PDE2A: variants seen among roughly 807,000 people sequenced by gnomAD.
The protein encoded by PDE2A is cGMP-dependent 3',5'-cyclic phosphodiesterase.
PDE2A carries 53 observed loss-of-function variants against 133.6 expected under a neutral mutation model. The ratio of observed to expected loss-of-function variants is 0.40; its 90% CI spans 0.32 to 0.50. PDE2A has a LOEUF of 0.50. Ranked by LOEUF, PDE2A falls within the 20% of genes least tolerant of loss-of-function variation. The probability of loss-of-function intolerance (pLI) is 0.73; values close to 1 mark genes in which losing one functional copy is unlikely to be tolerated. For missense variants in PDE2A, 796 were observed against 1,232.4 expected, an observed-to-expected ratio of 0.65 and a Z score of 5.30; for synonymous variants, 491 against 490.2, an observed-to-expected ratio of 1.00 and a Z score of -0.02.
intron 2 of PDE2A, among the ~76,000 whole-genome samples, chr11:72,611,463 T>C (rs1050664473): frequency 2.0e-5 from 3 of 152,160 alleles, no homozygotes; most frequent in Non-Finnish European, 4.4e-5. Flanking sequence ...TTTGCTTCAA[T>C]TGGGGAATGC....
chr11:72,619,817 T>C (rs1303900093), intron 2 of PDE2A, among the ~76,000 whole-genome samples: 1 of 152,150 alleles, frequency 6.6e-6, no homozygotes, highest in African/African-American at 2.4e-5. Context: ...CTGCCTGCCC[T>C]GCCACACACC....
At chr11:72,630,677 G>A (rs1591101810) in intron 2 of PDE2A, among the ~76,000 whole-genome samples, 2 of 151,998 alleles carry the variant, frequency 1.3e-5, no homozygotes, top group East Asian at 3.9e-4. Context: ...GATGATGGGG[G>A]AAACTGAAAG....
chr11:72,631,188 CT>C, intron 2 of PDE2A: 1 of 1,450,386 alleles, frequency 6.9e-7, no homozygotes, highest in Non-Finnish European at 9.3e-7. Context: ...GCCTTCTCCC[CT>C]TCTCCCCAGA....
At chr11:72,657,395 T>C (rs1475518558) in intron 1 of PDE2A, among the ~76,000 whole-genome samples, 1 of 151,982 alleles carries the variant, frequency 6.6e-6, no homozygotes, top group Non-Finnish European at 1.5e-5. Context: ...GAAACAACTG[T>C]CCCCAAGGTC....
rs148316208 is a variant in PDE2A at position 72,616,340 on chromosome 11, C to A, written c.145-7589G>T. Among the ~76,000 whole-genome samples, 38 of 152,344 alleles carry A rather than the reference C, an allele frequency of 2.5e-4. No individual in the cohort carries two copies. The East Asian group carries it at 7.1e-3, about 29-fold the overall frequency. On this transcript the variant is annotated intron_variant, in intron 2 of 30. Transcript: ENST00000334456. ...ACTGCCCCCCTTTCCCCCACCATGG[C>A]ATGCACTGTGTGCATCAATGCAGTG...
chr11:72,645,076 T>A (rs1326347511), intron 1 of PDE2A, among the ~76,000 whole-genome samples: 1 of 152,216 alleles, frequency 6.6e-6, no homozygotes, highest in Non-Finnish European at 1.5e-5. Flanking sequence ...TCTTCAGTCT[T>A]ACTTGAATCT....
At chr11:72,619,711 G>A (rs945920925) in intron 2 of PDE2A, among the ~76,000 whole-genome samples, 1 of 152,156 alleles carries the variant, frequency 6.6e-6, no homozygotes, top group Non-Finnish European at 1.5e-5. Context: ...GTGAGTGAAC[G>A]TGTGGCTGAG....
intron 1 of PDE2A, among the ~76,000 whole-genome samples, chr11:72,647,569 T>A (rs1859163430): frequency 1.3e-5 from 2 of 152,262 alleles, no homozygotes; most frequent in Non-Finnish European, 2.9e-5. Flanking sequence ...TTGCTCTCTC[T>A]GTGACCTGGG....
intron 14 of PDE2A, 107 bp from the exon 15 acceptor site, chr11:72,585,700 C>A: frequency 2.1e-6 from 2 of 935,150 alleles, no homozygotes; most frequent in African/African-American, 1.6e-5. Context: ...TTCCCTAGGG[C>A]TCACTGGACA....
chr11:72,638,082 C>T (rs894195820), intron 2 of PDE2A, among the ~76,000 whole-genome samples: 2 of 152,114 alleles, frequency 1.3e-5, no homozygotes, highest in East Asian at 1.9e-4. Flanking sequence ...GTTTACCCGC[C>T]GCAGGCAGCA....
rs143510966 is a variant in PDE2A, at chr11:72,643,939, G to A, written c.72-1613C>T. On this transcript the variant is annotated intron_variant, in intron 1 of 30. Transcript: ENST00000334456. ...ACAATAAAGCCCGAGCCCTGAGCCT[G>A]GCGGGCCAGACCCTCTACAGCTGAA... Among the ~76,000 whole-genome samples, 770 of 152,216 alleles carry A rather than the reference G, an allele frequency of 5.1e-3. 6 individuals are homozygous for A. The highest frequency in any genetic ancestry group is 0.017 in the African/African-American group (717 of 41,528).
intron 25 of PDE2A, 194 bp from the exon 26 acceptor site, chr11:72,579,802 T>C (rs917129840): frequency 1.7e-6 from 1 of 577,078 alleles, no homozygotes; most frequent in Non-Finnish European, 3.1e-6. Flanking sequence ...GGTGAGTCCC[T>C]AGACCACTCT....
At chr11:72,605,638 G>A (rs1437097834) in intron 3 of PDE2A, among the ~76,000 whole-genome samples, 3 of 152,188 alleles carry the variant, frequency 2.0e-5, no homozygotes, top group Non-Finnish European at 4.4e-5. Context: ...CCAGGGATGG[G>A]GCTCAGAATG....
At position 72,669,094 on chromosome 11, in the gene PDE2A, T is replaced by C. The variant is rs138106974; in HGVS notation, c.71+5043A>G. 8.2e-3 allele frequency: 3,193 copies of C among 389,992 alleles called. 14 individuals are homozygous for C. Among genetic ancestry groups the C allele is most frequent in the Non-Finnish European group, 9.6e-3 (2,715 of 283,652 alleles). 24.2% of individuals were successfully genotyped at this position (389,992 alleles called of 1,614,324 possible). Reference sequence around the variant, plus strand: ...TCATCCTGCCAAGAAAGGATAATTATCTCCACCCCACTATTCACACAAGGT... The same window carrying C: ...TCATCCTGCCAAGAAAGGATAATTACCTCCACCCCACTATTCACACAAGGT... On this transcript the variant is annotated intron_variant, in intron 1 of 30. Transcript: ENST00000334456.
At chr11:72,638,455 G>A (rs1478464615) in intron 2 of PDE2A, among the ~76,000 whole-genome samples, 1 of 152,190 alleles carries the variant, frequency 6.6e-6, no homozygotes, top group African/African-American at 2.4e-5. Flanking sequence ...CTCACATTCT[G>A]GTAGGAGCCA....
At chr11:72,579,507 T>TCCCCCCCCCCCCCCCCCC in intron 26 of PDE2A, 27 bp downstream of exon 26, 2 of 1,354,170 alleles carry the variant, frequency 1.5e-6, no homozygotes, top group Non-Finnish European at 2.1e-6. Flanking sequence ...TCCCCCTCAA[T>TCCCCCCCCCCCCCCCCCC]CCCCACCCCA....
At chr11:72,643,047 G>A (rs1359116265) in intron 1 of PDE2A, 3 of 154,032 alleles carry the variant, frequency 1.9e-5, no homozygotes, top group Non-Finnish European at 4.4e-5. Context: ...TGGGTGGGCA[G>A]GTCTCTGTCG....
chr11:72,615,526 G>C (rs1448233040), intron 2 of PDE2A, among the ~76,000 whole-genome samples: 1 of 152,180 alleles, frequency 6.6e-6, no homozygotes, highest in Non-Finnish European at 1.5e-5. Flanking sequence ...GCTGAGTGTG[G>C]GGAGGGGGAG....
At chr11:72,658,108 T>C (rs1386772180) in intron 1 of PDE2A, 1 of 456,170 alleles carries the variant, frequency 2.2e-6, no homozygotes, top group East Asian at 6.9e-5. Flanking sequence ...ATTTTACGGA[T>C]GCCGGATGTC....
Sources: gnomAD v4.1 joint callset for allele counts (sites outside exome capture counted in the v4.1 genomes callset) on GRCh38, gnomAD v4.1.1 for gene constraint, MANE v1.5 for transcripts, NCBI Gene and HGNC (gene_info 2026-07-23, HGNC 2026-07-21) for gene names.